The following ODC1 variants were observed in gnomAD, a reference collection of about 807,000 sequenced individuals.
ODC1 encodes the protein ornithine decarboxylase 1, also known as ornithine decarboxylase.
In ODC1, 18 loss-of-function variants were observed where a neutral mutation model predicts 41.5. The observed-to-expected ratio is 0.43, with a 90% CI of 0.30 to 0.64. The LOEUF (loss-of-function observed/expected upper bound fraction) is 0.64, where lower values mean the gene tolerates loss of function less well. Ranked by LOEUF, ODC1 falls within the 30% of genes least tolerant of loss-of-function variation. The pLI is 0.11. For missense variants in ODC1, 504 were observed against 589.0 expected, an observed-to-expected ratio of 0.86 and a Z score of 1.49; for synonymous variants, 218 against 211.6, an observed-to-expected ratio of 1.03 and a Z score of -0.26.
rs150152038 is a variant in ODC1, at chr2:10,442,168, C to G, written c.757G>C (p.Gly253Arg). 5.7e-4 allele frequency: 907 copies of G among 1,601,956 alleles called. No individual in the cohort carries two copies. The highest frequency in any genetic ancestry group is 7.4e-4 in the Non-Finnish European group (871 of 1,175,600). ...TTGTCCAACGCTGGGTTGATTACGC[C>G]GGTGATCTAAGAGAGTGAAACAGAA... Reference protein sequence around the residue: ...DVKLKFEEITGVINPALDKYF... With the variant: ...DVKLKFEEITRVINPALDKYF... Residue 253 changes from glycine to arginine, a missense_variant, in exon 9 of 12, where the codon GGC becomes CGC. Around this residue, in one of 3 missense-constraint regions of ODC1, gnomAD observed 447 missense variants for 524.4 expected, o/e 0.85. Coordinates refer to ENST00000234111, the MANE Select transcript of ODC1 (RefSeq NM_002539.3).
chr2:10,444,851 C>A, intron 3 of ODC1, 80 bp downstream of exon 3: 1 of 1,026,784 alleles, frequency 9.7e-7, no homozygotes, highest in South Asian at 1.4e-5. Flanking sequence ...AGCCTCATTG[C>A]TCTTCCTTAG....
In ODC1 at chr2:10,441,729, TAA is replaced by T. The variant is rs751890529; in HGVS notation, c.1027-8_1027-7del. The T allele has an allele frequency of 5.0e-6, 8 of 1,613,854 alleles. No individual in the cohort carries two copies. Among genetic ancestry groups the T allele is most frequent in the South Asian group, 3.3e-5 (3 of 91,064 alleles). On this transcript the variant is annotated splice_region_variant and splice_polypyrimidine_tract_variant and intron_variant, in intron 10 of 11. Coordinates refer to ENST00000234111, the MANE Select transcript of ODC1 (RefSeq NM_002539.3). ...TTCTCATCTGGTTTAGGTCTCTATA[TAA>T]AGAGACGGAGAGAGGAAGTACTACT...
chr2:10,444,225 T>C lies in ODC1; in HGVS notation c.319A>G (p.Arg107Gly). 2 of 1,609,230 alleles carry C rather than the reference T, an allele frequency of 1.2e-6. No individual in the cohort carries two copies. Among genetic ancestry groups the C allele is most frequent in the Non-Finnish European group, 1.7e-6 (2 of 1,178,444 alleles). ...LVQSLGVPPERIIYANPCKQV... is the reference protein window; with the variant it reads ...LVQSLGVPPEGIIYANPCKQV... The stretch of plus-strand genomic sequence containing the variant: ...TTACAAGGATTTGCATAGATAATCC[T>C]CTCTGGAGGCACCCCCAGACTCTGC... Residue 107 changes from arginine (R) to glycine (G), a missense_variant, in exon 5 of 12, where the codon AGG becomes GGG. Arg to Gly is a moderately radical substitution (Grantham distance 125). This residue lies in a region of ODC1 where 447 missense variants were observed against 524.4 expected (regional missense o/e 0.85). Transcript: ENST00000234111.
In ODC1 at chr2:10,448,317, G is replaced by T. The variant is rs1672109559; in HGVS notation, c.-324C>A. The T allele has an allele frequency of 3.8e-6, 1 of 263,784 alleles. No individual in the cohort carries two copies. Among genetic ancestry groups the T allele is most frequent in the Non-Finnish European group, 7.2e-6 (1 of 139,668 alleles). 16.3% of individuals were successfully genotyped at this position (263,784 alleles called of 1,614,324 possible). ...CGGGCGGCGGCGGCGGCGGCTACAG[G>T]AGGGACTGACAAAGCCCCACGGCAC... On this transcript the variant is annotated 5_prime_UTR_variant, in exon 1 of 12. Transcript: ENST00000234111.
chr2:10,442,043 T>A lies in ODC1; in HGVS notation c.882A>T (p.Lys294Asn). 1 of 1,614,050 alleles carries A rather than the reference T, an allele frequency of 6.2e-7. No homozygotes were observed. Among genetic ancestry groups the A allele is most frequent in the East Asian group, 2.2e-5 (1 of 44,884 alleles). The stretch of plus-strand genomic sequence containing the variant: ...AGCCCGTCTGTTCCTTTAATACAAT[T>A]TTCTTGGCAATGATATTAACTGCAA... ...FTLAVNIIAKKIVLKEQTGSD... is the reference protein window; with the variant it reads ...FTLAVNIIAKNIVLKEQTGSD... Residue 294 changes from lysine to asparagine, a missense_variant, in exon 9 of 12, where the codon AAA (lysine) becomes AAT (asparagine). Physicochemically the swap from Lys to Asn is moderately conservative, Grantham distance 94. Transcript: ENST00000234111.
chr2:10,446,551 C>A (rs1201611984), intron 1 of ODC1, among the ~76,000 whole-genome samples: 1 of 152,192 alleles, frequency 6.6e-6, no homozygotes, highest in Non-Finnish European at 1.5e-5. Context: ...TAATTTGGGG[C>A]TAACTTCACC....
intron 11 of ODC1, 111 bp from the exon 12 acceptor site, chr2:10,440,979 C>T: frequency 1.6e-6 from 2 of 1,217,898 alleles, no homozygotes; most frequent in Admixed American, 2.4e-5. Flanking sequence ...TTTTCTGAGA[C>T]AGGGTCTTTC....
intron 11 of ODC1, among the ~76,000 whole-genome samples, chr2:10,441,232 G>A (rs1353082160): frequency 6.6e-6 from 1 of 152,116 alleles, no homozygotes; most frequent in African/African-American, 2.4e-5. Flanking sequence ...TCAGGTGTGA[G>A]CCAGCACACC....
chr2:10,447,746 C>A (rs1416955848), intron 1 of ODC1: 2 of 152,232 alleles, frequency 1.3e-5, no homozygotes, highest in South Asian at 2.1e-4. Flanking sequence ...CGAGCCCGGG[C>A]TCTGCGCCCC....
At chr2:10,447,000 T>C (rs2148073033) in intron 1 of ODC1, among the ~76,000 whole-genome samples, 1 of 152,348 alleles carries the variant, frequency 6.6e-6, no homozygotes, top group East Asian at 1.9e-4. Context: ...TTTGTTTATA[T>C]GAAGAATATT....
chr2:10,445,020 C>CAAAGTT lies in ODC1; in HGVS notation c.7_12dup (p.Asn3_Phe4dup). On this transcript the variant is annotated inframe_insertion, in exon 3 of 12. Coordinates refer to ENST00000234111, the MANE Select transcript of ODC1 (RefSeq NM_002539.3). ...AAGTGGCAGTCAAACTCTTCATTACCAAAGTTGTTCATGATTTCTTGATGT... is the reference window on the plus strand; with the variant it reads ...AAGTGGCAGTCAAACTCTTCATTACCAAAGTTAAAGTTGTTCATGATTTCTTGATGT... 6.2e-7 allele frequency: 1 copy of CAAAGTT among 1,610,660 alleles called. No individual in the cohort carries two copies. Among genetic ancestry groups the CAAAGTT allele is most frequent in the South Asian group, 1.1e-5 (1 of 90,992 alleles).
chr2:10,440,958 G>T (rs1558547920), intron 11 of ODC1, 90 bp from the exon 12 acceptor site: 2 of 1,434,100 alleles, frequency 1.4e-6, no homozygotes, highest in Non-Finnish European at 1.9e-6. Context: ...ACAATTCAAT[G>T]TATTTTTTTT....
intron 4 of ODC1, 80 bp from the exon 5 acceptor site, chr2:10,444,347 T>C (rs746128216): frequency 1.7e-5 from 25 of 1,513,854 alleles, no homozygotes; most frequent in Admixed American, 8.6e-5. Flanking sequence ...GAAGTTGTCA[T>C]GTACCCCCCC....
chr2:10,441,107 C>T (rs1671805635), intron 11 of ODC1, among the ~76,000 whole-genome samples: 1 of 152,142 alleles, frequency 6.6e-6, no homozygotes, highest in Non-Finnish European at 1.5e-5. Context: ...CGCCCACTAC[C>T]ATGGCCAACT....
At chr2:10,442,362 G>A (rs760995114) in intron 8 of ODC1, among the ~76,000 whole-genome samples, 188 bp from the exon 9 acceptor site, 3 of 152,136 alleles carry the variant, frequency 2.0e-5, no homozygotes, top group Non-Finnish European at 2.9e-5. Flanking sequence ...ATCCCAGGTG[G>A]CTCGTTTTCA....
At position 10,440,876 on chromosome 2, in the gene ODC1, A is replaced by G; in HGVS notation, c.1242-8T>C. 3 of 1,613,962 alleles carry G rather than the reference A, an allele frequency of 1.9e-6. No homozygotes were observed. In the South Asian group the frequency reaches 3.3e-5, roughly 18 times the overall value. ...AATTGCTGCATGAGTTGCCTGAGAAAGAAAAAGTGGCATATTAAAAACCCT... is the reference window on the plus strand; with the variant it reads ...AATTGCTGCATGAGTTGCCTGAGAAGGAAAAAGTGGCATATTAAAAACCCT... On this transcript the variant is annotated splice_region_variant and splice_polypyrimidine_tract_variant and intron_variant, in intron 11 of 11. Transcript: ENST00000234111.
chr2:10,445,351 A>G (rs971518054), intron 1 of ODC1, 87 bp from the exon 2 acceptor site: 23 of 303,254 alleles, frequency 7.6e-5, no homozygotes, highest in Non-Finnish European at 1.4e-4. Context: ...CGCAGAGCTA[A>G]TCATGCCCCG....
In ODC1 at chr2:10,443,261, C is replaced by T; in HGVS notation, c.719G>A (p.Gly240Glu). The change falls in exon 8 of 12, where the codon GGA (glycine) becomes GAA (glutamate). Residue 240 changes from glycine to glutamate, a missense_variant. By Grantham distance (98) the Gly-to-Glu change is moderately conservative (BLOSUM62 -2). This residue lies in a region of ODC1 where 447 missense variants were observed against 524.4 expected (regional missense o/e 0.85). Coordinates refer to ENST00000234111, the MANE Select transcript of ODC1 (RefSeq NM_002539.3). ...AAATTTAAGTTTCACATCCTCAGAT[C>T]CAGGAAAGCCACCGCCAATATCAAG... is the stretch of plus-strand genomic sequence containing the variant. ...YLLDIGGGFPGSEDVKLKFEE... is the reference protein window; with the variant it reads ...YLLDIGGGFPESEDVKLKFEE... The T allele has an allele frequency of 6.2e-7, 1 of 1,612,778 alleles. No homozygotes were observed. Among genetic ancestry groups the T allele is most frequent in the South Asian group, 1.1e-5 (1 of 90,736 alleles).
rs2302613 is a variant in ODC1 at position 10,445,176 on chromosome 2, T to C, written c.-39A>G. 58,746 of 590,594 alleles carry C rather than the reference T, an allele frequency of 0.099. 3,535 individuals carry two copies. The highest frequency in any genetic ancestry group is 0.2 in the Admixed American group (6,681 of 33,644). The allele number at this position is 590,594 out of a possible 1,614,324, so 36.6% of individuals were successfully genotyped here. On this transcript the variant is annotated 5_prime_UTR_variant, in exon 2 of 12. Transcript: ENST00000234111. ...TTACATGGAAAACTAAGAGATGGAA[T>C]TGAAAGAAATATTTCCAGCTTCTCA... is the stretch of plus-strand genomic sequence containing the variant.
Sources: gnomAD v4.1 joint callset for allele counts (sites outside exome capture counted in the v4.1 genomes callset) on GRCh38, gnomAD v4.1.1 for gene constraint, gnomAD v4.1.1 regional missense constraint, MANE v1.5 for transcripts, NCBI Gene and HGNC (gene_info 2026-07-23, HGNC 2026-07-21) for gene names.